ADGRB2: variants seen among roughly 807,000 people sequenced by gnomAD.
ADGRB2 encodes the protein adhesion G protein-coupled receptor B2.
Under a neutral mutation model 178.7 loss-of-function variants are expected in ADGRB2, and 47 were observed. The observed-to-expected ratio is 0.26, with a 90% CI of 0.21 to 0.34. ADGRB2 has a LOEUF of 0.34. Among genes scored for constraint, ADGRB2 ranks in the 10% least tolerant of loss-of-function variants. The pLI is 1.00. For missense variants in ADGRB2, 1,584 were observed against 2,180.8 expected (o/e 0.73, Z 5.45); for synonymous variants, 870 against 912.4 (o/e 0.95, Z 0.84).
intron 7 of ADGRB2, among the ~76,000 whole-genome samples, chr1:31,742,603 G>C (rs1214819599): frequency 2.0e-5 from 3 of 152,240 alleles, no homozygotes; most frequent in African/African-American, 7.2e-5. Flanking sequence ...TGGAGAAAGA[G>C]CTGTCCCCTC....
Position 31,739,930 on chromosome 1 carries a change from A to G in ADGRB2, c.2163T>C (p.Asn721=), listed in dbSNP as rs756160555. 2.5e-6 allele frequency: 4 copies of G among 1,613,890 alleles called. No individual in the cohort carries two copies. The highest frequency in any genetic ancestry group is 3.4e-6 in the Non-Finnish European group (4 of 1,179,810). ...CCCTTGCCTGACTCCTTCTACCTAG[A>G]TTATCTGTGACAATCAGAGAGCTCT... ...AFQSSLIVTD[N]LVISIQREPV... Residue 721 remains asparagine, a synonymous_variant, in exon 14 of 33, where the codon AAT becomes AAC. Transcript: ENST00000373658.
intron 28 of ADGRB2, among the ~76,000 whole-genome samples, chr1:31,731,697 G>A (rs760672919): frequency 2.0e-5 from 3 of 152,088 alleles, no homozygotes; most frequent in Non-Finnish European, 2.9e-5. Context: ...ACAGCCCCAC[G>A]GCTGTCAAAG....
Position 31,741,595 on chromosome 1 carries a change from G to A in ADGRB2, c.1687+29C>T, listed in dbSNP as rs763742236. ...GGGCAATGAGAATGGCAGGGGTGGTGGTGGTGGGGAAAGCCACCTGCCCCT... is the reference window on the plus strand; with the variant it reads ...GGGCAATGAGAATGGCAGGGGTGGTAGTGGTGGGGAAAGCCACCTGCCCCT... On this transcript the variant is annotated intron_variant, in intron 10 of 32. Coordinates refer to ENST00000373658, the MANE Select transcript of ADGRB2 (RefSeq NM_001364857.2). The surrounding 1 kb of genome is among the most constrained non-coding windows in gnomAD (Gnocchi z 6.5). 8 of 1,608,436 alleles carry A rather than the reference G, an allele frequency of 5.0e-6. No homozygotes were observed. Among genetic ancestry groups the A allele is most frequent in the Non-Finnish European group, 5.1e-6 (6 of 1,176,534 alleles).
intron 4 of ADGRB2, among the ~76,000 whole-genome samples, chr1:31,749,348 A>G (rs1031344362): frequency 6.6e-6 from 1 of 152,156 alleles, no homozygotes; most frequent in Admixed American, 6.5e-5. Context: ...GACCTGTCCA[A>G]TACTGTTTCC....
Position 31,754,045 on chromosome 1 carries a change from C to T in ADGRB2, c.838+1954G>A, listed in dbSNP as rs1407345657. ...GTCAGGCTTGGGAACAGCTGGGAGC[C>T]CCAGCTCAGGGCTCCCTGCTCAGAG... On this transcript the variant is annotated intron_variant, in intron 4 of 32. Transcript: ENST00000373658. This position sits in a 1 kb window ranked among gnomAD's most constrained non-coding sequence, Gnocchi z 5.7. 6.6e-6 allele frequency among the ~76,000 whole-genome samples: 1 copy of T among 152,198 alleles called. No individual in the cohort carries two copies. Among genetic ancestry groups the T allele is most frequent in the East Asian group, 1.9e-4 (1 of 5,180 alleles).
Position 31,728,167 on chromosome 1 carries a change from G to A in ADGRB2, c.4515+15C>T, listed in dbSNP as rs376953284. On this transcript the variant is annotated intron_variant, in intron 31 of 32. Transcript: ENST00000373658. This position sits in a 1 kb window ranked among gnomAD's most constrained non-coding sequence, Gnocchi z 6.7. The stretch of plus-strand genomic sequence containing the variant: ...TGAGCTTCAGGGCAGGGGCAGCCAC[G>A]GGAGGAGCCCTCACCTTGGCCGTGG... 2.9e-5 allele frequency: 47 copies of A among 1,613,974 alleles called. No individual in the cohort carries two copies. Among genetic ancestry groups the A allele is most frequent in the Middle Eastern group, 1.6e-4 (1 of 6,084 alleles).
intron 17 of ADGRB2, 32 bp from the exon 18 acceptor site, chr1:31,738,358 G>A (rs1319189937): frequency 5.0e-6 from 8 of 1,612,684 alleles, no homozygotes; most frequent in Non-Finnish European, 5.1e-6. Context: ...GTGAGCCCCA[G>A]GCCAGCTACG....
rs923110888 is a variant in ADGRB2 at position 31,735,042 on chromosome 1, A to T, written c.3452+141T>A. The T allele has an allele frequency of 1.1e-5, 9 of 825,044 alleles. No homozygotes were observed. The African/African-American group carries it at 1.6e-4, about 14-fold the overall frequency. The allele number at this position is 825,044 out of a possible 1,614,324, so 51.1% of individuals were successfully genotyped here. ...GGCCACCTCTTGCCGAGCCCTTGAG[A>T]GTGTGTGGTGGCTGGCAGGAAAGGG... is the stretch of plus-strand genomic sequence containing the variant. On this transcript the variant is annotated intron_variant, in intron 25 of 32. Transcript: ENST00000373658. This position sits in a 1 kb window ranked among gnomAD's most constrained non-coding sequence, Gnocchi z 6.0.
At chr1:31,736,456 C>T (rs1433579589) in intron 21 of ADGRB2, 66 bp from the exon 22 acceptor site, 2 of 1,606,488 alleles carry the variant, frequency 1.2e-6, no homozygotes, top group East Asian at 2.2e-5. Context: ...TTCTCCCAGA[C>T]TCCCATCCCA....
In ADGRB2 at chr1:31,728,730, C is replaced by T. The variant is rs1645123936; in HGVS notation, c.4381-97G>A. ...GGAAGCCTGGCATCCCAGGGGTCTG[C>T]CCGCTGCACCTTCCCCCCAACCCAG... On this transcript the variant is annotated intron_variant, in intron 29 of 32. Coordinates refer to ENST00000373658, the MANE Select transcript of ADGRB2 (RefSeq NM_001364857.2). This position sits in a 1 kb window ranked among gnomAD's most constrained non-coding sequence, Gnocchi z 6.7. The T allele has an allele frequency of 1.4e-6, 2 of 1,454,842 alleles. No homozygotes were observed. Among genetic ancestry groups the T allele is most frequent in the Non-Finnish European group, 1.9e-6 (2 of 1,042,722 alleles). The allele number at this position is 1,454,842 out of a possible 1,614,324, so 90.1% of individuals were successfully genotyped here.
At position 31,755,334 on chromosome 1, in the gene ADGRB2, G is replaced by A. The variant is rs1267465376; in HGVS notation, c.838+665C>T. ...GGCTCGCAGAGCTTTTGCCCAGTCA[G>A]CAGGAAGCTCTAGCAGCTGGCGGCC... On this transcript the variant is annotated intron_variant, in intron 4 of 32. Transcript: ENST00000373658. This position sits in a 1 kb window ranked among gnomAD's most constrained non-coding sequence, Gnocchi z 5.1. 6.6e-6 allele frequency among the ~76,000 whole-genome samples: 1 copy of A among 152,192 alleles called. No individual in the cohort carries two copies. Among genetic ancestry groups the A allele is most frequent in the African/African-American group, 2.4e-5 (1 of 41,438 alleles).
In ADGRB2 at chr1:31,741,945, T is replaced by C; in HGVS notation, c.1440A>G (p.Pro480=). 6.3e-7 allele frequency: 1 copy of C among 1,595,840 alleles called. No homozygotes were observed. Among genetic ancestry groups the C allele is most frequent in the Non-Finnish European group, 8.6e-7 (1 of 1,167,300 alleles). ...ECPATDSKWG[P]WNAWSLCSKT... is the part of the protein sequence containing the mutation. ...TAGAGCACAGGCTCCACGCATTCCA[T>C]GGCCCCCACTTGCTATCAGTGGCTG... Residue 480 remains proline, a synonymous_variant, in exon 9 of 33, where the codon CCA becomes CCG. Transcript: ENST00000373658. This position sits in a 1 kb window ranked among gnomAD's most constrained non-coding sequence, Gnocchi z 6.5.
rs533055014 is a variant in ADGRB2 at position 31,727,158 on chromosome 1, C to A, written c.*262G>T. 42 of 436,314 alleles carry A rather than the reference C, an allele frequency of 9.6e-5. No homozygotes were observed. Among genetic ancestry groups the A allele is most frequent in the East Asian group, 4.4e-4 (10 of 22,780 alleles). 27.0% of individuals were successfully genotyped at this position (436,314 alleles called of 1,614,324 possible). On this transcript the variant is annotated 3_prime_UTR_variant, in exon 33 of 33. Transcript: ENST00000373658. The surrounding 1 kb of genome is among the most constrained non-coding windows in gnomAD (Gnocchi z 4.4). ...TATTCCCAACAAAGTTCCCCTCCCC[C>A]CTCCCCAGCCCGGGACAGGGACGGA...
chr1:31,729,132 G>A (rs907218598), intron 29 of ADGRB2, among the ~76,000 whole-genome samples: 6 of 151,906 alleles, frequency 3.9e-5, no homozygotes, highest in Non-Finnish European at 7.4e-5. Flanking sequence ...GCCTCTCCTG[G>A]CCCTCCTTGT....
Position 31,744,176 on chromosome 1 carries a change from G to T in ADGRB2, c.1087+17C>A. ...TAACCCTGCAGGCAGGTGGGGTGGG[G>T]AGGAGGATGGGCCTACCTGGGCAGG... On this transcript the variant is annotated intron_variant, in intron 6 of 32. Transcript: ENST00000373658. The surrounding 1 kb of genome is among the most constrained non-coding windows in gnomAD (Gnocchi z 6.7). 1 of 1,511,204 alleles carries T rather than the reference G, an allele frequency of 6.6e-7. No individual in the cohort carries two copies. Among genetic ancestry groups the T allele is most frequent in the East Asian group, 2.5e-5 (1 of 40,156 alleles). The allele number at this position is 1,511,204 out of a possible 1,614,324, so 93.6% of individuals were successfully genotyped here. A position where few individuals can be genotyped will look rare whatever the true frequency, so the allele number is the denominator to read the frequency against.
Position 31,764,077 on chromosome 1 carries a change from GC to G in ADGRB2, c.-385del. 1 of 923,064 alleles carries G rather than the reference GC, an allele frequency of 1.1e-6. No homozygotes were observed. The highest frequency in any genetic ancestry group is 1.3e-6 in the Non-Finnish European group (1 of 778,456). The allele number at this position is 923,064 out of a possible 1,614,324, so 57.2% of individuals were successfully genotyped here. A position where few individuals can be genotyped will look rare whatever the true frequency, so the allele number is the denominator to read the frequency against. ...CCGCGGAGCAGCGCGGGGCGGGCGG[GC>G]GGGCGGCGCCGGGCCGGGCGCGGGC... On this transcript the variant is annotated 5_prime_UTR_variant, in exon 1 of 33. Transcript: ENST00000373658. This position sits in a 1 kb window ranked among gnomAD's most constrained non-coding sequence, Gnocchi z 7.3.
chr1:31,740,624 C>G lies in ADGRB2; in HGVS notation c.1795-83G>C. 7.2e-7 allele frequency: 1 copy of G among 1,391,274 alleles called. No homozygotes were observed. The highest frequency in any genetic ancestry group is 9.6e-7 in the Non-Finnish European group (1 of 1,041,284). The allele number at this position is 1,391,274 out of a possible 1,614,324, so 86.2% of individuals were successfully genotyped here. ...GGCCCATCCCACTCCAGTCCACCCA[C>G]TGCTTGCATCCACGGGGAGAGAAAG... On this transcript the variant is annotated intron_variant, in intron 11 of 32. Transcript: ENST00000373658. The surrounding 1 kb of genome is among the most constrained non-coding windows in gnomAD (Gnocchi z 5.9).
rs1230764791 is a variant in ADGRB2, at chr1:31,756,048, A to G, written c.789T>C (p.Asp263=). The G allele has an allele frequency of 6.2e-7, 1 of 1,613,924 alleles. No homozygotes were observed. Among genetic ancestry groups the G allele is most frequent in the Non-Finnish European group, 8.5e-7 (1 of 1,179,940 alleles). ...PGGPAPPAEA[D]LHSGSSNDLF... The stretch of plus-strand genomic sequence containing the variant: ...GATCATTGCTGCTCCCCGAGTGCAA[A>G]TCGGCCTCAGCAGGTGGGGCTGGGC... Residue 263 remains aspartate (D), a synonymous_variant, in exon 4 of 33, where the codon GAT becomes GAC. Coordinates refer to ENST00000373658, the MANE Select transcript of ADGRB2 (RefSeq NM_001364857.2). The surrounding 1 kb of genome is among the most constrained non-coding windows in gnomAD (Gnocchi z 8.5).
Position 31,741,241 on chromosome 1 carries a change from G to C in ADGRB2, c.1794+132C>G. ...AGTAGGAGCTTGCCAGACAAGGAGA[G>C]GCACAGCCAGGCAGAAGTGGGCACA... On this transcript the variant is annotated intron_variant, in intron 11 of 32. Transcript: ENST00000373658. The surrounding 1 kb of genome is among the most constrained non-coding windows in gnomAD (Gnocchi z 6.5). 2 of 897,700 alleles carry C rather than the reference G, an allele frequency of 2.2e-6. No homozygotes were observed. The highest frequency in any genetic ancestry group is 3.4e-6 in the Non-Finnish European group (2 of 583,630). The allele number at this position is 897,700 out of a possible 1,614,324, so 55.6% of individuals were successfully genotyped here. A position where few individuals can be genotyped will look rare whatever the true frequency, so the allele number is the denominator to read the frequency against.
Sources: allele counts gnomAD v4.1 joint callset (sites outside exome capture counted in the v4.1 genomes callset), GRCh38; gene constraint gnomAD v4.1.1; non-coding constraint Gnocchi (gnomAD v3.1); transcripts MANE v1.5; gene names NCBI Gene and HGNC (gene_info 2026-07-23, HGNC 2026-07-21).